The following CTNND2 variants were observed in gnomAD, a reference collection of about 807,000 sequenced individuals.
The protein encoded by CTNND2 is catenin delta-2.
CTNND2 carries 22 observed loss-of-function variants against 144.4 expected under a neutral mutation model. The ratio of observed to expected loss-of-function variants is 0.15; its 90% CI spans 0.11 to 0.22. The LOEUF (loss-of-function observed/expected upper bound fraction) is 0.22, where lower values mean the gene tolerates loss of function less well. CTNND2 is among the 10% of genes least tolerant of loss of function. The pLI, the probability that CTNND2 is intolerant of heterozygous loss-of-function variation, is 1.00. For missense variants in CTNND2, 1,353 were observed against 1,618.8 expected, an observed-to-expected ratio of 0.84 and a Z score of 2.82; for synonymous variants, 751 against 695.6, an observed-to-expected ratio of 1.08 and a Z score of -1.25.
chr5:11,308,963 T>C (rs868764661), intron 9 of CTNND2, among the ~76,000 whole-genome samples: 38 of 152,166 alleles, frequency 2.5e-4, no homozygotes, highest in African/African-American at 8.0e-4. Context: ...AAGGGGAACG[T>C]GGCACACACT....
intron 2 of CTNND2, among the ~76,000 whole-genome samples, chr5:11,595,931 T>C (rs1180329213): frequency 6.6e-6 from 1 of 152,192 alleles, no homozygotes; most frequent in East Asian, 1.9e-4. Flanking sequence ...TGCACCAGTT[T>C]TACTATAAAT....
intron 1 of CTNND2, among the ~76,000 whole-genome samples, chr5:11,876,266 AG>A (rs1208532667): frequency 1.3e-5 from 2 of 150,684 alleles, no homozygotes. Flanking sequence ...AGGAGAGGGC[AG>A]GAAAGGCGGG....
intron 1 of CTNND2, among the ~76,000 whole-genome samples, chr5:11,740,903 A>G (rs1247614629): frequency 1.3e-5 from 2 of 152,064 alleles, no homozygotes; most frequent in African/African-American, 4.8e-5. Flanking sequence ...CTTTTCATAC[A>G]GGACTTTTCA....
At chr5:11,552,273 TAGCTCAAGTTTTA>T (rs1327837033) in intron 3 of CTNND2, among the ~76,000 whole-genome samples, 1 of 152,238 alleles carries the variant, frequency 6.6e-6, no homozygotes, top group Non-Finnish European at 1.5e-5. Flanking sequence ...TCCTTAGCTT[TAGCTCAAGTTTTA>T]GTCAAACTGG....
intron 2 of CTNND2, among the ~76,000 whole-genome samples, chr5:11,627,170 T>TA (rs1336287918): frequency 1.3e-5 from 2 of 152,178 alleles, no homozygotes; most frequent in African/African-American, 4.8e-5. Context: ...GGGAATTCTG[T>TA]AAAAAATAAT....
intron 18 of CTNND2, 85 bp downstream of exon 18, chr5:11,017,889 G>A (rs1286134997): frequency 2.9e-6 from 3 of 1,023,984 alleles, no homozygotes; most frequent in African/African-American, 3.2e-5. Flanking sequence ...CTGAGGCTGT[G>A]GGAAAGTGCC....
At chr5:11,438,878 T>TC (rs1369051739) in intron 3 of CTNND2, among the ~76,000 whole-genome samples, 1 of 152,120 alleles carries the variant, frequency 6.6e-6, no homozygotes, top group African/African-American at 2.4e-5. Flanking sequence ...CATGGCATTC[T>TC]CCCCTTCATT....
chr5:11,678,853 C>T (rs1784299004), intron 2 of CTNND2, among the ~76,000 whole-genome samples: 2 of 151,932 alleles, frequency 1.3e-5, no homozygotes, highest in South Asian at 4.2e-4. Context: ...CTCATTGGCT[C>T]CAGGAACAAA....
chr5:10,996,749 C>T (rs1160211655), intron 18 of CTNND2, among the ~76,000 whole-genome samples: 2 of 152,150 alleles, frequency 1.3e-5, no homozygotes, highest in African/African-American at 4.8e-5. Flanking sequence ...CAGGCATGCA[C>T]CACCACACCC....
At chr5:11,062,798 C>T (rs1009215996) in intron 16 of CTNND2, among the ~76,000 whole-genome samples, 3 of 152,362 alleles carry the variant, frequency 2.0e-5, no homozygotes, top group African/African-American at 7.2e-5. Context: ...CAAAACTGAT[C>T]TGCCTGAAAA....
At chr5:11,500,223 T>A (rs1770408684) in intron 3 of CTNND2, among the ~76,000 whole-genome samples, 1 of 152,178 alleles carries the variant, frequency 6.6e-6, no homozygotes, top group Non-Finnish European at 1.5e-5. Flanking sequence ...TAATAAAGCA[T>A]ATTCCAAATC....
intron 3 of CTNND2, among the ~76,000 whole-genome samples, chr5:11,525,288 T>G (rs950442364): frequency 3.3e-5 from 5 of 152,192 alleles, no homozygotes; most frequent in Non-Finnish European, 7.3e-5. Context: ...CCTCTTTGTG[T>G]AGTCCCTTCC....
intron 10 of CTNND2, among the ~76,000 whole-genome samples, chr5:11,209,560 T>C (rs1580594571): frequency 6.6e-6 from 1 of 152,154 alleles, no homozygotes; most frequent in Non-Finnish European, 1.5e-5. Context: ...AGGAAATCTA[T>C]GAGATTTCAA....
chr5:11,144,344 C>G lies in CTNND2; in HGVS notation c.2159+15232G>C, dbSNP rs553030820. On this transcript the variant is annotated intron_variant, in intron 12 of 21. Coordinates refer to ENST00000304623, the MANE Select transcript of CTNND2 (RefSeq NM_001332.4). ...TAAAATACGGATTTTAAGGAGGCAT[C>G]AAGGAGGCATCAGGGAGGCAACGGA... Among the ~76,000 whole-genome samples, 7 of 152,244 alleles carry G rather than the reference C, an allele frequency of 4.6e-5. No homozygotes were observed. The South Asian group carries it at 1.2e-3, about 27-fold the overall frequency.
chr5:11,506,685 T>C (rs1771070766), intron 3 of CTNND2, among the ~76,000 whole-genome samples: 1 of 152,258 alleles, frequency 6.6e-6, no homozygotes, highest in African/African-American at 2.4e-5. Flanking sequence ...CAATTCATTT[T>C]TTTAAAAGAT....
chr5:11,202,794 T>TTTTTTC (rs910001959), intron 10 of CTNND2, among the ~76,000 whole-genome samples: 6 of 152,056 alleles, frequency 3.9e-5, no homozygotes, highest in Non-Finnish European at 7.4e-5. Context: ...CCAATTTCTT[T>TTTTTTC]TTTTTCTTTT....
chr5:11,371,973 T>C (rs1313936685), intron 7 of CTNND2, among the ~76,000 whole-genome samples: 1 of 152,202 alleles, frequency 6.6e-6, no homozygotes, highest in Non-Finnish European at 1.5e-5. Context: ...TTTCATCATA[T>C]TTCATAAATG....
rs61749843 is a variant in CTNND2 at position 11,385,116 on chromosome 5, G to A, written c.726C>T (p.Asp242=). Residue 242 remains aspartate (D), a synonymous_variant, in exon 7 of 22, where the codon GAC becomes GAT. Transcript: ENST00000304623. ...PSLGSAFHLP[D]APPAAAAAAL... ...CGGCGGCGGCGGCGGCGGGCGGCGCGTCGGGCAGGTGGAAGGCGCTGCCCA... is the reference window on the plus strand; with the variant it reads ...CGGCGGCGGCGGCGGCGGGCGGCGCATCGGGCAGGTGGAAGGCGCTGCCCA... 3,469 of 1,025,504 alleles carry A rather than the reference G, an allele frequency of 3.4e-3. 80 individuals are homozygous for A. In the African/African-American group the frequency reaches 0.054, roughly 16 times the overall value. 63.5% of individuals were successfully genotyped at this position (1,025,504 alleles called of 1,614,324 possible).
At chr5:11,156,716 T>C (rs1482179146) in intron 12 of CTNND2, among the ~76,000 whole-genome samples, 2 of 102,104 alleles carry the variant, frequency 2.0e-5, no homozygotes, top group African/African-American at 1.1e-4. Context: ...TACATGAACA[T>C]CAAAGGTGGA....
Sources: allele counts gnomAD v4.1 joint callset (sites outside exome capture counted in the v4.1 genomes callset), GRCh38; gene constraint gnomAD v4.1.1; transcripts MANE v1.5; gene names NCBI Gene and HGNC (gene_info 2026-07-23, HGNC 2026-07-21).